The following OSMR variants were observed in gnomAD, a reference collection of about 807,000 sequenced individuals.
The protein encoded by OSMR is oncostatin M receptor.
In OSMR, 81 loss-of-function variants were observed where a neutral mutation model predicts 99.9. The observed-to-expected ratio is 0.81, with a 90% CI of 0.68 to 0.97. The LOEUF is 0.97. OSMR is among the 50% of genes least tolerant of loss of function. OSMR has a pLI of 0.00. For synonymous variants in OSMR, 406 were observed against 410.4 expected, an observed-to-expected ratio of 0.99 and a Z score of 0.13; for missense variants, 1,099 against 1,153.4, an observed-to-expected ratio of 0.95 and a Z score of 0.68.
intron 15 of OSMR, 83 bp from the exon 16 acceptor site, chr5:38,931,800 C>CTT: frequency 6.4e-7 from 1 of 1,568,906 alleles, no homozygotes; most frequent in Non-Finnish European, 8.7e-7. Context: ...TGTAAAATTA[C>CTT]TTTCAATCAT....
intron 7 of OSMR, among the ~76,000 whole-genome samples, chr5:38,896,831 G>GT (rs546401266): frequency 7.8e-4 from 114 of 145,654 alleles, no homozygotes; most frequent in South Asian, 7.2e-3. Context: ...TTCTATACCC[G>GT]TTTTTTTTTT....
chr5:38,866,751 C>T (rs1741982712), intron 1 of OSMR, among the ~76,000 whole-genome samples: 1 of 152,190 alleles, frequency 6.6e-6, no homozygotes, highest in Non-Finnish European at 1.5e-5. Flanking sequence ...CACACTCCCT[C>T]TCTGGAGCAA....
At chr5:38,875,688 A>G (rs894203664) in intron 2 of OSMR, among the ~76,000 whole-genome samples, 3 of 152,210 alleles carry the variant, frequency 2.0e-5, no homozygotes, top group African/African-American at 4.8e-5. Context: ...TGCTGGTCTC[A>G]TCGAAAGAGT....
chr5:38,846,884 C>T (rs1052275716), intron 1 of OSMR, among the ~76,000 whole-genome samples: 1 of 152,210 alleles, frequency 6.6e-6, no homozygotes, highest in Non-Finnish European at 1.5e-5. Context: ...CTCTCGCAGG[C>T]CAGGGCTTTA....
intron 7 of OSMR, among the ~76,000 whole-genome samples, chr5:38,887,666 T>C (rs1453653083): frequency 2.6e-5 from 4 of 152,186 alleles, no homozygotes; most frequent in Non-Finnish European, 5.9e-5. Flanking sequence ...TCACTATTCT[T>C]GGTGCCATAC....
At chr5:38,916,154 A>G (rs939642957) in intron 9 of OSMR, among the ~76,000 whole-genome samples, 4 of 152,256 alleles carry the variant, frequency 2.6e-5, no homozygotes, top group African/African-American at 9.6e-5. Flanking sequence ...AGATGTACTC[A>G]TCTTAATAGG....
intron 2 of OSMR, among the ~76,000 whole-genome samples, chr5:38,875,675 T>C (rs938322958): frequency 2.6e-5 from 4 of 152,250 alleles, no homozygotes; most frequent in Non-Finnish European, 5.9e-5. Context: ...ATACCTGGTA[T>C]GTTGCTGGTC....
rs774731604 is a variant in OSMR, at chr5:38,881,635, T to G, written c.289T>G (p.Trp97Gly). ...TGTGAAGTGGAACCAGGTTCTGCAT[T>G]GGAGCTGGGAATCTGAGCTCCCTTT... ...TTVKWNQVLH[W>G]SWESELPLEC... is the part of the protein sequence containing the mutation. The change falls in exon 4 of 18, where the codon TGG becomes GGG. Residue 97 changes from tryptophan (W) to glycine (G), a missense_variant. By Grantham distance (184) the Trp-to-Gly change is radical. Coordinates refer to ENST00000274276, the MANE Select transcript of OSMR (RefSeq NM_003999.3). 9.3e-6 allele frequency: 15 copies of G among 1,614,022 alleles called. No individual in the cohort carries two copies. In the East Asian group the frequency reaches 3.1e-4, roughly 34 times the overall value.
At chr5:38,874,986 G>C (rs1579676432) in intron 2 of OSMR, among the ~76,000 whole-genome samples, 1 of 152,210 alleles carries the variant, frequency 6.6e-6, no homozygotes, top group South Asian at 2.1e-4. Context: ...TGGCAATTTG[G>C]GGACATTTTT....
chr5:38,873,976 G>A (rs1283049213), intron 2 of OSMR, among the ~76,000 whole-genome samples: 1 of 152,016 alleles, frequency 6.6e-6, no homozygotes, highest in Non-Finnish European at 1.5e-5. Context: ...GAGACTACAC[G>A]TGCCATGACA....
chr5:38,876,522 C>A, intron 3 of OSMR, 149 bp downstream of exon 3: 1 of 699,638 alleles, frequency 1.4e-6, no homozygotes, highest in East Asian at 2.7e-5. Flanking sequence ...TCTGCATTTT[C>A]TGTTAATGAT....
intron 1 of OSMR, among the ~76,000 whole-genome samples, chr5:38,861,448 C>A (rs139176105): frequency 6.6e-6 from 1 of 152,086 alleles, no homozygotes; most frequent in Non-Finnish European, 1.5e-5. Context: ...GTAAGGTCAC[C>A]GATCAACAGG....
chr5:38,870,984 T>G (rs1566619), intron 2 of OSMR, among the ~76,000 whole-genome samples: 1 of 152,016 alleles, frequency 6.6e-6, no homozygotes, highest in Admixed American at 6.5e-5. Flanking sequence ...TGAACTTGCC[T>G]TGTAGGGAGT....
chr5:38,855,339 C>T (rs959229531), intron 1 of OSMR, among the ~76,000 whole-genome samples: 1 of 152,142 alleles, frequency 6.6e-6, no homozygotes, highest in African/African-American at 2.4e-5. Context: ...ATATGCCTAG[C>T]CAGGACCACT....
chr5:38,893,578 A>T (rs1744297173), intron 7 of OSMR, among the ~76,000 whole-genome samples: 1 of 152,236 alleles, frequency 6.6e-6, no homozygotes, highest in African/African-American at 2.4e-5. Context: ...CAGAAGAAAG[A>T]ATTTCAGAGC....
chr5:38,889,776 A>G (rs1744032687), intron 7 of OSMR, among the ~76,000 whole-genome samples: 1 of 152,188 alleles, frequency 6.6e-6, no homozygotes, highest in South Asian at 2.1e-4. Context: ...TTGAAAATTA[A>G]TTCTTTTTAT....
At chr5:38,942,691 A>C (rs1747718870) in intron 1 of OSMR, 1 of 630,568 alleles carries the variant, frequency 1.6e-6, no homozygotes. Context: ...CCTGGGCTCA[A>C]GCAATTCTCC....
At chr5:38,876,680 A>G (rs1208045781) in intron 3 of OSMR, among the ~76,000 whole-genome samples, 1 of 152,168 alleles carries the variant, frequency 6.6e-6, no homozygotes, top group Non-Finnish European at 1.5e-5. Flanking sequence ...ACGAAGATTA[A>G]CCAATTCATT....
chr5:38,848,359 A>G (rs2043110), intron 1 of OSMR, among the ~76,000 whole-genome samples: 37,629 of 152,174 alleles, frequency 0.25, 4,874 homozygotes, highest in South Asian at 0.4. Context: ...CTACATGAAG[A>G]GAGAATTTCT....
Sources: allele counts gnomAD v4.1 joint callset (sites outside exome capture counted in the v4.1 genomes callset), GRCh38; gene constraint gnomAD v4.1.1; transcripts MANE v1.5; gene names NCBI Gene and HGNC (gene_info 2026-07-23, HGNC 2026-07-21).